The following RABL3 variants were observed in gnomAD, a reference collection of about 807,000 sequenced individuals.
The protein encoded by RABL3 is rab-like protein 3.
RABL3 carries 31 observed loss-of-function variants against 31.8 expected under a neutral mutation model. The ratio of observed to expected loss-of-function variants is 0.97; its 90% CI spans 0.73 to 1.31. The LOEUF is 1.31. Among genes scored for constraint, RABL3 ranks in the 40% most tolerant of loss-of-function variants. The pLI is 0.00. For missense variants in RABL3, 263 were observed against 279.6 expected (o/e 0.94, Z 0.42); for synonymous variants, 97 against 99.9 (o/e 0.97, Z 0.18).
chr3:120,687,154 A>T lies in RABL3; in HGVS notation c.*2669T>A, dbSNP rs1251523483. 1 of 152,242 alleles carries T rather than the reference A, an allele frequency of 6.6e-6. No individual in the cohort carries two copies. Among genetic ancestry groups the T allele is most frequent in the Non-Finnish European group, 1.5e-5 (1 of 68,044 alleles). The allele number at this position is 152,242 out of a possible 1,614,324, so 9.4% of individuals were successfully genotyped here. On this transcript the variant is annotated 3_prime_UTR_variant, in exon 8 of 8. Coordinates refer to ENST00000273375, the MANE Select transcript of RABL3 (RefSeq NM_173825.5). ...TAAGTCTTATACACCTAAGGGACAG[A>T]GGAGTAGTCATATATATGCCTTCAT...
At position 120,731,604 on chromosome 3, in the gene RABL3, C is replaced by T. The variant is rs557920829; in HGVS notation, c.47-817G>A. ...TGTGTGGAGTCACTCATTCATTTAACGGCATTTTTGGGGTTCCATTATGAC... is the reference window on the plus strand; with the variant it reads ...TGTGTGGAGTCACTCATTCATTTAATGGCATTTTTGGGGTTCCATTATGAC... On this transcript the variant is annotated intron_variant, in intron 1 of 7. Coordinates refer to ENST00000273375, the MANE Select transcript of RABL3 (RefSeq NM_173825.5). Among the ~76,000 whole-genome samples the T allele has an allele frequency of 6.6e-5, 10 of 152,258 alleles. No individual in the cohort carries two copies. The South Asian group carries it at 1.2e-3, about 19-fold the overall frequency.
At chr3:120,724,660 T>A (rs865805045) in intron 2 of RABL3, among the ~76,000 whole-genome samples, 1 of 152,138 alleles carries the variant, frequency 6.6e-6, no homozygotes, top group Non-Finnish European at 1.5e-5. Flanking sequence ...AACTACAACA[T>A]CTGATCTTTG....
rs1387781076 is a variant in RABL3 at position 120,689,690 on chromosome 3, T to C, written c.*133A>G. The C allele has an allele frequency of 6.2e-6, 4 of 646,678 alleles. No individual in the cohort carries two copies. Among genetic ancestry groups the C allele is most frequent in the Non-Finnish European group, 1.1e-5 (4 of 370,038 alleles). The allele number at this position is 646,678 out of a possible 1,614,324, so 40.1% of individuals were successfully genotyped here. A position where few individuals can be genotyped will look rare whatever the true frequency, so the allele number is the denominator to read the frequency against. Reference sequence around the variant, plus strand: ...TTGTCACTTCCTTTCATTTTTCCATTAAAGGGTAAGGCTGAAGGGTAGCAT... The same window carrying C: ...TTGTCACTTCCTTTCATTTTTCCATCAAAGGGTAAGGCTGAAGGGTAGCAT... On this transcript the variant is annotated 3_prime_UTR_variant, in exon 8 of 8. Coordinates refer to ENST00000273375, the MANE Select transcript of RABL3 (RefSeq NM_173825.5).
intron 2 of RABL3, among the ~76,000 whole-genome samples, chr3:120,719,882 G>A (rs1708716236): frequency 6.6e-6 from 1 of 152,206 alleles, no homozygotes; most frequent in South Asian, 2.1e-4. Flanking sequence ...TGGACAGACT[G>A]CCTCCTCAAG....
At position 120,689,563 on chromosome 3, in the gene RABL3, T is replaced by C. The variant is rs994948294; in HGVS notation, c.*260A>G. Reference sequence around the variant, plus strand: ...GTCATTGCTCATTTACTGCATCATTTTGACAACATCTCATATTTACACAAG... The same window carrying C: ...GTCATTGCTCATTTACTGCATCATTCTGACAACATCTCATATTTACACAAG... On this transcript the variant is annotated 3_prime_UTR_variant, in exon 8 of 8. Coordinates refer to ENST00000273375, the MANE Select transcript of RABL3 (RefSeq NM_173825.5). The C allele has an allele frequency of 7.2e-5, 24 of 331,616 alleles. No homozygotes were observed. Among genetic ancestry groups the C allele is most frequent in the African/African-American group, 1.3e-4 (6 of 47,678 alleles). 20.5% of individuals were successfully genotyped at this position (331,616 alleles called of 1,614,324 possible). A position where few individuals can be genotyped will look rare whatever the true frequency, so the allele number is the denominator to read the frequency against.
chr3:120,710,231 T>C, intron 2 of RABL3: 1 of 174,914 alleles, frequency 5.7e-6, no homozygotes, highest in Non-Finnish European at 1.2e-5. Flanking sequence ...AATTCCACTC[T>C]TGGTTATATC....
At chr3:120,705,140 G>A (rs1708534284) in intron 4 of RABL3, among the ~76,000 whole-genome samples, 1 of 152,136 alleles carries the variant, frequency 6.6e-6, no homozygotes, top group Non-Finnish European at 1.5e-5. Flanking sequence ...ACTACACAAT[G>A]CTGGTAAGAG....
intron 3 of RABL3, 132 bp from the exon 4 acceptor site, chr3:120,706,246 T>G (rs1026072314): frequency 6.8e-6 from 4 of 588,750 alleles, no homozygotes; most frequent in Non-Finnish European, 1.2e-5. Flanking sequence ...GACTAACAAC[T>G]CAGAGACAAT....
chr3:120,694,725 T>C (rs986820419), intron 5 of RABL3, among the ~76,000 whole-genome samples: 2 of 152,074 alleles, frequency 1.3e-5, no homozygotes, highest in African/African-American at 4.8e-5. Context: ...TGCCAAGGAT[T>C]TCTCTTTAGA....
intron 2 of RABL3, among the ~76,000 whole-genome samples, chr3:120,728,463 G>C (rs540590511): frequency 6.6e-6 from 1 of 152,030 alleles, no homozygotes; most frequent in Admixed American, 6.6e-5. Context: ...TCACAGAATC[G>C]GAGCTAGAAA....
chr3:120,699,055 A>C (rs943184559), intron 4 of RABL3, among the ~76,000 whole-genome samples: 1 of 152,222 alleles, frequency 6.6e-6, no homozygotes, highest in Admixed American at 6.5e-5. Flanking sequence ...CTTTTGGGGT[A>C]TGCATTAATT....
intron 1 of RABL3, among the ~76,000 whole-genome samples, chr3:120,732,138 G>A (rs1050095729): frequency 8.5e-5 from 13 of 152,134 alleles, no homozygotes; most frequent in Non-Finnish European, 1.5e-4. Flanking sequence ...ATGAGCAGGT[G>A]GTTATTGTGA....
chr3:120,690,798 C>T (rs1183729116), intron 6 of RABL3, among the ~76,000 whole-genome samples: 1 of 152,126 alleles, frequency 6.6e-6, no homozygotes, highest in Non-Finnish European at 1.5e-5. Flanking sequence ...GCAAATCTGA[C>T]TCTAAGTTTC....
At chr3:120,699,836 A>C (rs1312041749) in intron 4 of RABL3, among the ~76,000 whole-genome samples, 2 of 152,162 alleles carry the variant, frequency 1.3e-5, no homozygotes, top group Non-Finnish European at 2.9e-5. Context: ...CATGATCAAG[A>C]CCTTTGATTA....
chr3:120,729,052 C>T (rs577265431), intron 2 of RABL3, among the ~76,000 whole-genome samples: 4 of 152,142 alleles, frequency 2.6e-5, no homozygotes, highest in East Asian at 1.9e-4. Context: ...ACTATAGATG[C>T]CTTTTTGAAA....
At chr3:120,712,377 T>C (rs1708622275) in intron 2 of RABL3, among the ~76,000 whole-genome samples, 1 of 152,148 alleles carries the variant, frequency 6.6e-6, no homozygotes, top group Admixed American at 6.5e-5. Flanking sequence ...TAATATGTGA[T>C]CATGTCAAGT....
At chr3:120,731,893 A>C (rs1235780293) in intron 1 of RABL3, among the ~76,000 whole-genome samples, 3 of 151,886 alleles carry the variant, frequency 2.0e-5, no homozygotes, top group Non-Finnish European at 4.4e-5. Flanking sequence ...CTCTACAAAA[A>C]ATAAATTTTA....
intron 3 of RABL3, among the ~76,000 whole-genome samples, chr3:120,708,744 C>T (rs1301494212): frequency 6.6e-6 from 1 of 151,630 alleles, no homozygotes. Context: ...CATCTTATAA[C>T]TATTTTTGTC....
rs1003440723 is a variant in RABL3 at position 120,685,476 on chromosome 3, C to T, written c.*4347G>A. Among the ~76,000 whole-genome samples the T allele has an allele frequency of 6.6e-6, 1 of 151,956 alleles. No homozygotes were observed. Among genetic ancestry groups the T allele is most frequent in the Admixed American group, 6.6e-5 (1 of 15,236 alleles). On this transcript the variant is annotated 3_prime_UTR_variant, in exon 8 of 8. Transcript: ENST00000273375. ...GGGGGCTGTGTGTAAGATGGCAAGG[C>T]ACTGGTTAGAAATAAATATATTTGG...
Sources: allele counts gnomAD v4.1 joint callset (sites outside exome capture counted in the v4.1 genomes callset), GRCh38; gene constraint gnomAD v4.1.1; transcripts MANE v1.5; gene names NCBI Gene and HGNC (gene_info 2026-07-23, HGNC 2026-07-21).